Variants in OTULIN observed in about 807,000 individuals in gnomAD.
The protein encoded by OTULIN is OTU deubiquitinase with linear linkage specificity.
In OTULIN, 15 loss-of-function variants were observed where a neutral mutation model predicts 39.6. That is an observed-to-expected ratio of 0.38 (90% CI 0.25 to 0.58). OTULIN has a LOEUF of 0.58. OTULIN is among the 20% of genes least tolerant of loss of function. The pLI, the probability that OTULIN is intolerant of heterozygous loss-of-function variation, is 0.66. For synonymous variants in OTULIN, 156 were observed against 170.3 expected, an observed-to-expected ratio of 0.92 and a Z score of 0.65; for missense variants, 319 against 445.9, an observed-to-expected ratio of 0.72 and a Z score of 2.56.
intron 6 of OTULIN, among the ~76,000 whole-genome samples, chr5:14,691,858 T>G (rs1561002784): frequency 6.6e-6 from 1 of 152,262 alleles, no homozygotes; most frequent in African/African-American, 2.4e-5. Context: ...GTCTTTTGTT[T>G]ATGGCTTATT....
intron 3 of OTULIN, among the ~76,000 whole-genome samples, chr5:14,679,585 T>C (rs182863332): frequency 6.6e-6 from 1 of 152,366 alleles, no homozygotes; most frequent in East Asian, 1.9e-4. Flanking sequence ...AGATACTGAC[T>C]GTCATATTTA....
chr5:14,686,780 T>A (rs1168753167), intron 4 of OTULIN, among the ~76,000 whole-genome samples: 1 of 152,168 alleles, frequency 6.6e-6, no homozygotes, highest in Non-Finnish European at 1.5e-5. Flanking sequence ...AACTGCAGAT[T>A]GTGTTGATAA....
chr5:14,705,979 T>C, the OTULIN span: 5 of 152,278 alleles, frequency 3.3e-5, no homozygotes, highest in East Asian at 7.7e-4. Flanking sequence ...CTAGGGAACA[T>C]TGCCTCTAAA....
At chr5:14,687,390 C>T in intron 4 of OTULIN, 131 bp from the exon 5 acceptor site, 1 of 1,108,364 alleles carries the variant, frequency 9.0e-7, no homozygotes, top group Non-Finnish European at 1.3e-6. Context: ...GCCCACATCA[C>T]AGATTTGCAG....
intron 1 of OTULIN, among the ~76,000 whole-genome samples, chr5:14,667,089 G>C (rs1278833562): frequency 1.3e-5 from 2 of 152,190 alleles, no homozygotes; most frequent in Non-Finnish European, 2.9e-5. Flanking sequence ...TTTACACTTA[G>C]AAGTGTGAAC....
At chr5:14,707,484 A>C in the OTULIN span, 1 of 152,178 alleles carries the variant, frequency 6.6e-6, no homozygotes, top group Non-Finnish European at 1.5e-5. Flanking sequence ...ATAAATTTTG[A>C]GAGTTACGAT....
At position 14,691,612 on chromosome 5, in the gene OTULIN, TC is replaced by T. The variant is rs1331086005; in HGVS notation, c.865-1241del. On this transcript the variant is annotated intron_variant, in intron 6 of 6. Transcript: ENST00000284274. Reference sequence around the variant, plus strand: ...GTGAGTCCATTCTTTTTTTTTTTTTTCAATAAGAAATTTTCAGTTTCTTTTT... The same window carrying T: ...GTGAGTCCATTCTTTTTTTTTTTTTTAATAAGAAATTTTCAGTTTCTTTTT... 1.4e-3 allele frequency among the ~76,000 whole-genome samples: 214 copies of T among 152,134 alleles called. 1 individual carries two copies. The highest frequency in any genetic ancestry group is 3.7e-3 in the African/African-American group (154 of 41,518).
intron 1 of OTULIN, among the ~76,000 whole-genome samples, chr5:14,672,102 G>A (rs890939816): frequency 3.9e-5 from 6 of 152,168 alleles, no homozygotes; most frequent in Admixed American, 6.5e-5. Context: ...CCCACATGGC[G>A]TGTATCGTGA....
chr5:14,683,269 A>C (rs970137999), intron 4 of OTULIN, among the ~76,000 whole-genome samples: 3 of 152,090 alleles, frequency 2.0e-5, no homozygotes, highest in Non-Finnish European at 4.4e-5. Context: ...TTAAAAAAAA[A>C]CCAAAACCAA....
chr5:14,683,961 C>G (rs531227485), intron 4 of OTULIN, among the ~76,000 whole-genome samples: 1 of 152,260 alleles, frequency 6.6e-6, no homozygotes, highest in South Asian at 2.1e-4. Context: ...ACTCTAATCA[C>G]TGTTACAATA....
intron 1 of OTULIN, among the ~76,000 whole-genome samples, chr5:14,669,170 G>A (rs1735922462): frequency 6.6e-6 from 1 of 151,724 alleles, no homozygotes; most frequent in Admixed American, 6.6e-5. Context: ...TTCACGACCA[G>A]CCTGGCCAAT....
At chr5:14,670,771 A>ATT (rs56834326) in intron 1 of OTULIN, among the ~76,000 whole-genome samples, 9 of 142,680 alleles carry the variant, frequency 6.3e-5, no homozygotes, top group Non-Finnish European at 7.7e-5. Context: ...TGTCCAATTA[A>ATT]TTTTTTTTTT....
Position 14,691,446 on chromosome 5 carries a change from A to T in OTULIN, c.864+1138A>T, listed in dbSNP as rs1224701175. ...AGGGCTGATGATAGTTATTTTCAAA[A>T]ATTACCTGTACTCATAATGTGGGTT... On this transcript the variant is annotated intron_variant, in intron 6 of 6. Coordinates refer to ENST00000284274, the MANE Select transcript of OTULIN (RefSeq NM_138348.6). Among the ~76,000 whole-genome samples the T allele has an allele frequency of 2.0e-5, 3 of 152,250 alleles. No individual in the cohort carries two copies. In the East Asian group the frequency reaches 5.8e-4, roughly 29 times the overall value.
chr5:14,713,085 G>GAGAACGCCGCTGGT, the OTULIN span: 1 of 1,060,334 alleles, frequency 9.4e-7, no homozygotes, highest in Non-Finnish European at 1.4e-6. The surrounding 1 kb of genome is among the most constrained non-coding windows in gnomAD (Gnocchi z 4.4). Flanking sequence ...GAGACCAGCG[G>GAGAACGCCGCTGGT]CGTTCTCCAT....
Position 14,683,229 on chromosome 5 carries a change from A to G in OTULIN, c.468+1622A>G, listed in dbSNP as rs538386841. Among the ~76,000 whole-genome samples the G allele has an allele frequency of 4.6e-5, 7 of 152,084 alleles. No homozygotes were observed. The South Asian group carries it at 1.5e-3, about 32-fold the overall frequency. On this transcript the variant is annotated intron_variant, in intron 4 of 6. Coordinates refer to ENST00000284274, the MANE Select transcript of OTULIN (RefSeq NM_138348.6). The stretch of plus-strand genomic sequence containing the variant: ...GGAGTTCAAGTCCAGCCTGGGCAAC[A>G]TAAGGAGACCCCTTGTATTGGGGAG...
At chr5:14,700,649 C>T (rs1462744885), downstream of OTULIN, among the ~76,000 whole-genome samples, 1 of 150,850 alleles carries the variant, frequency 6.6e-6, no homozygotes, top group Admixed American at 6.6e-5. Flanking sequence ...CTGTACCTCC[C>T]GCTGTGCCTA....
At chr5:14,713,281 G>T in the OTULIN span, among the ~76,000 whole-genome samples, 1 of 152,136 alleles carries the variant, frequency 6.6e-6, no homozygotes, top group African/African-American at 2.4e-5. This position sits in a 1 kb window ranked among gnomAD's most constrained non-coding sequence, Gnocchi z 4.4. Context: ...TCCAGCATAC[G>T]TTCAAGCCCG....
chr5:14,666,913 G>A (rs948678510), intron 1 of OTULIN, among the ~76,000 whole-genome samples: 1 of 152,138 alleles, frequency 6.6e-6, no homozygotes, highest in African/African-American at 2.4e-5. Context: ...CCAATATAAG[G>A]TATTCATGTC....
In OTULIN at chr5:14,698,635, T is replaced by C. The variant is rs1052342298; in HGVS notation, c.*5587T>C. ...GCCTGGCTCTGTTGCTGTGGTCAAA[T>C]GCTTGCCTTTGAGGACTTTGGCAGA... On this transcript the variant is annotated 3_prime_UTR_variant, in exon 7 of 7. Coordinates refer to ENST00000284274, the MANE Select transcript of OTULIN (RefSeq NM_138348.6). 1 of 152,218 alleles carries C rather than the reference T, an allele frequency of 6.6e-6. No homozygotes were observed. Among genetic ancestry groups the C allele is most frequent in the Non-Finnish European group, 1.5e-5 (1 of 68,050 alleles). The allele number at this position is 152,218 out of a possible 1,614,324, so 9.4% of individuals were successfully genotyped here.
Sources: gnomAD v4.1 joint callset for allele counts (sites outside exome capture counted in the v4.1 genomes callset) on GRCh38, gnomAD v4.1.1 for gene constraint, Gnocchi (gnomAD v3.1) non-coding constraint, MANE v1.5 for transcripts, NCBI Gene and HGNC (gene_info 2026-07-23, HGNC 2026-07-21) for gene names.